WNT7B: variants seen among roughly 807,000 people sequenced by gnomAD.
The protein encoded by WNT7B is Wnt family member 7B.
A neutral mutation model predicts 38.2 loss-of-function variants in WNT7B; 19 were observed. That is an observed-to-expected ratio of 0.50 (90% confidence interval 0.35 to 0.73). The LOEUF (loss-of-function observed/expected upper bound fraction) is 0.73. Ranked by LOEUF, WNT7B falls within the 30% of genes least tolerant of loss-of-function variation. The pLI is 0.01. For synonymous variants in WNT7B, 243 were observed against 209.3 expected (o/e 1.16, Z -1.39); for missense variants, 423 against 507.9 (o/e 0.83, Z 1.61).
chr22:45,949,609 C>T lies in WNT7B; in HGVS notation c.298+311G>A, dbSNP rs117021428. 3.7e-3 allele frequency among the ~76,000 whole-genome samples: 560 copies of T among 152,348 alleles called. 4 individuals are homozygous for T. Among genetic ancestry groups the T allele is most frequent in the Non-Finnish European group, 6.1e-3 (412 of 68,022 alleles). On this transcript the variant is annotated intron_variant, in intron 2 of 3. Transcript: ENST00000339464. ...ATGGGCCCCAACCACTGCACGGCAC[C>T]GCTAGCACCACCGCGCCACCAGCCT...
chr22:45,960,531 C>T (rs907581853), intron 1 of WNT7B, among the ~76,000 whole-genome samples: 5 of 152,326 alleles, frequency 3.3e-5, no homozygotes, highest in Admixed American at 2.0e-4. Context: ...CAGGGACAGG[C>T]TGGCTGAGCC....
At chr22:45,952,702 T>G (rs1320185335) in intron 1 of WNT7B, among the ~76,000 whole-genome samples, 1 of 152,200 alleles carries the variant, frequency 6.6e-6, no homozygotes. Context: ...GGGACCCTGA[T>G]GGGACTTAGT....
In WNT7B at chr22:45,931,273, C is replaced by T. The variant is rs1170470503; in HGVS notation, c.395G>A (p.Gly132Asp). The T allele has an allele frequency of 1.3e-6, 2 of 1,598,632 alleles. No individual in the cohort carries two copies. The highest frequency in any genetic ancestry group is 1.3e-5 in the African/African-American group (1 of 74,942). ...GTAGCCCTGCTTCTCGCGGTCGCAGCCGCAGTTGCTCAGGTTCCCTTGGCT... is the reference window on the plus strand; with the variant it reads ...GTAGCCCTGCTTCTCGCGGTCGCAGTCGCAGTTGCTCAGGTTCCCTTGGCT... ...ACSQGNLSNCGCDREKQGYYN... is the reference protein window; with the variant it reads ...ACSQGNLSNCDCDREKQGYYN... Residue 132 changes from glycine (G) to aspartate (D), a missense_variant, in exon 3 of 4, where the codon GGC (glycine) becomes GAC (aspartate). Gly to Asp is a moderately conservative substitution (Grantham distance 94, BLOSUM62 -1). This residue lies in a region of WNT7B where 132 missense variants were observed against 113.4 expected (regional missense o/e 1.16). Transcript: ENST00000339464.
intron 2 of WNT7B, among the ~76,000 whole-genome samples, chr22:45,933,799 G>T (rs932683882): frequency 2.6e-5 from 4 of 152,204 alleles, no homozygotes; most frequent in Non-Finnish European, 5.9e-5. Flanking sequence ...CTCCCGGCCT[G>T]GGCACACAGA....
Position 45,931,354 on chromosome 22 carries a change from G to A in WNT7B, c.314C>T (p.Ala105Val). 1 of 1,590,792 alleles carries A rather than the reference G, an allele frequency of 6.3e-7. No individual in the cohort carries two copies. Among genetic ancestry groups the A allele is most frequent in the South Asian group, 1.1e-5 (1 of 90,650 alleles). ...AGCCGCGGTGATGGCGTACGTGAAG[G>A]CAGCCTCACGGCTCCCTGCGGGGAC... is the stretch of plus-strand genomic sequence containing the variant. ...QELRVGSREAAFTYAITAAGV... is the reference protein window; with the variant it reads ...QELRVGSREAVFTYAITAAGV... Residue 105 changes from alanine to valine, a missense_variant, in exon 3 of 4, where the codon GCC becomes GTC. Ala to Val is a moderately conservative substitution (Grantham distance 64). Transcript: ENST00000339464.
At position 45,941,509 on chromosome 22, in the gene WNT7B, CAAAA is replaced by C. The variant is rs1166391533; in HGVS notation, c.298+8407_298+8410del. On this transcript the variant is annotated intron_variant, in intron 2 of 3. Coordinates refer to ENST00000339464, the MANE Select transcript of WNT7B (RefSeq NM_058238.3). ...CTGGGTGACACTCCAGCCTTTGTCT[CAAAA>C]AAAAAAAAAAAAAAAAGAGTGCAGA... 4.6e-3 allele frequency among the ~76,000 whole-genome samples: 361 copies of C among 79,274 alleles called. 4 individuals are homozygous for C. Among genetic ancestry groups the C allele is most frequent in the African/African-American group, 0.012 (341 of 28,196 alleles). The allele number at this position is 79,274 out of a possible 152,430, so 52.0% of individuals were successfully genotyped here.
intron 1 of WNT7B, among the ~76,000 whole-genome samples, chr22:45,954,084 G>A (rs374807322): frequency 8.8e-4 from 134 of 152,318 alleles, no homozygotes; most frequent in African/African-American, 3.1e-3. Flanking sequence ...CCATAAAAAC[G>A]AGCAAAGCAC....
In WNT7B at chr22:45,943,908, C is replaced by T. The variant is rs571163102; in HGVS notation, c.298+6012G>A. Among the ~76,000 whole-genome samples the T allele has an allele frequency of 2.5e-3, 381 of 152,298 alleles. 1 individual carries two copies. Among genetic ancestry groups the T allele is most frequent in the Non-Finnish European group, 4.1e-3 (279 of 68,008 alleles). ...GCCGAGGGAGGGGCCCTACCCACCCCGGGGTCTGTGTCCTGCCTCAGTGGC... is the reference window on the plus strand; with the variant it reads ...GCCGAGGGAGGGGCCCTACCCACCCTGGGGTCTGTGTCCTGCCTCAGTGGC... On this transcript the variant is annotated intron_variant, in intron 2 of 3. Transcript: ENST00000339464.
intron 3 of WNT7B, among the ~76,000 whole-genome samples, chr22:45,929,781 CACCCACCG>C (rs1931257064): frequency 1.3e-5 from 2 of 151,898 alleles, no homozygotes; most frequent in African/African-American, 2.4e-5. Flanking sequence ...TCCTTCCATC[CACCCACCG>C]ATCCACTCAA....
intron 1 of WNT7B, among the ~76,000 whole-genome samples, chr22:45,954,360 G>T (rs1569120942): frequency 6.6e-6 from 1 of 152,206 alleles, no homozygotes; most frequent in Non-Finnish European, 1.5e-5. Context: ...ATTGTGAATG[G>T]ACTAGATGCC....
At chr22:45,926,402 G>T in intron 3 of WNT7B, 1 of 985,376 alleles carries the variant, frequency 1.0e-6, no homozygotes, top group Non-Finnish European at 1.2e-6. Context: ...GCAGGGGGGT[G>T]GTGGACTGAG....
intron 3 of WNT7B, chr22:45,925,885 C>T (rs1351945521): frequency 2.0e-6 from 2 of 985,252 alleles, no homozygotes; most frequent in African/African-American, 1.7e-5. Flanking sequence ...GTGCAGGCCA[C>T]GTGGTCTAGG....
chr22:45,940,371 C>T (rs1295987042), intron 2 of WNT7B, among the ~76,000 whole-genome samples: 1 of 152,162 alleles, frequency 6.6e-6, no homozygotes, highest in Non-Finnish European at 1.5e-5. Context: ...CACTCCACAC[C>T]CACCGGGACA....
At chr22:45,926,819 C>T (rs1191257118) in intron 3 of WNT7B, 1 of 985,326 alleles carries the variant, frequency 1.0e-6, no homozygotes, top group Admixed American at 6.1e-5. Flanking sequence ...ACATCATGAG[C>T]CACTGGCCGA....
At chr22:45,945,047 T>C (rs1427548206) in intron 2 of WNT7B, among the ~76,000 whole-genome samples, 1 of 152,182 alleles carries the variant, frequency 6.6e-6, no homozygotes, top group South Asian at 2.1e-4. Flanking sequence ...AATTTTCTAG[T>C]AGCCACATTA....
chr22:45,976,880 G>A lies in WNT7B; in HGVS notation c.-126C>T. ...CTCAGCCCGCGCTGCGGCTCGGGCGGCCGGCGACGCGCGGGCACTCGGCGC... is the reference window on the plus strand; with the variant it reads ...CTCAGCCCGCGCTGCGGCTCGGGCGACCGGCGACGCGCGGGCACTCGGCGC... On this transcript the variant is annotated 5_prime_UTR_variant, in exon 1 of 4. Coordinates refer to ENST00000339464, the MANE Select transcript of WNT7B (RefSeq NM_058238.3). The surrounding 1 kb of genome is among the most constrained non-coding windows in gnomAD (Gnocchi z 8.5). The A allele has an allele frequency of 9.9e-7, 1 of 1,014,658 alleles. No homozygotes were observed. Among genetic ancestry groups the A allele is most frequent in the African/African-American group, 1.7e-5 (1 of 57,472 alleles). The allele number at this position is 1,014,658 out of a possible 1,614,324, so 62.9% of individuals were successfully genotyped here.
rs114801150 is a variant in WNT7B at position 45,952,825 on chromosome 22, C to G, written c.72-2679G>C. The stretch of plus-strand genomic sequence containing the variant: ...AGCACCCGGATCTGACCAAGTCCGT[C>G]TGCTCAAAGCCCATCCATAGCTCTC... On this transcript the variant is annotated intron_variant, in intron 1 of 3. Transcript: ENST00000339464. Among the ~76,000 whole-genome samples, 640 of 152,344 alleles carry G rather than the reference C, an allele frequency of 4.2e-3. 4 individuals carry two copies. Among genetic ancestry groups the G allele is most frequent in the African/African-American group, 0.015 (608 of 41,578 alleles).
intron 3 of WNT7B, 84 bp from the exon 4 acceptor site, chr22:45,923,419 C>T: frequency 6.7e-7 from 1 of 1,498,290 alleles, no homozygotes; most frequent in South Asian, 1.3e-5. Context: ...TCTAGCCCAG[C>T]CCTGGAGCCC....
At chr22:45,928,965 G>A (rs1931192994) in intron 3 of WNT7B, among the ~76,000 whole-genome samples, 1 of 117,910 alleles carries the variant, frequency 8.5e-6, no homozygotes, top group Non-Finnish European at 1.8e-5. Context: ...TTCCCCACAA[G>A]CAGGGACCCG....
Sources: gnomAD v4.1 joint callset for allele counts (sites outside exome capture counted in the v4.1 genomes callset) on GRCh38, gnomAD v4.1.1 for gene constraint, gnomAD v4.1.1 regional missense constraint, Gnocchi (gnomAD v3.1) non-coding constraint, MANE v1.5 for transcripts, NCBI Gene and HGNC (gene_info 2026-07-23, HGNC 2026-07-21) for gene names.